Variants in CAMK1D observed in about 807,000 individuals in gnomAD.
CAMK1D encodes calcium/calmodulin dependent protein kinase ID, also known as calcium/calmodulin-dependent protein kinase type 1D.
In CAMK1D, 9 loss-of-function variants were observed where a neutral mutation model predicts 47.7. That is an observed-to-expected ratio of 0.19 (90% CI 0.11 to 0.33). The LOEUF is 0.33. Ranked by LOEUF, CAMK1D falls within the 10% of genes least tolerant of loss-of-function variation. The pLI is 1.00. For missense variants in CAMK1D, 291 were observed against 488.7 expected (o/e 0.60, Z 3.81); for synonymous variants, 184 against 184.9 (o/e 0.99, Z 0.04).
intron 3 of CAMK1D, among the ~76,000 whole-genome samples, chr10:12,689,341 G>T (rs1352571644): frequency 6.6e-6 from 1 of 152,060 alleles, no homozygotes; most frequent in Non-Finnish European, 1.5e-5. Context: ...AACCTATTTC[G>T]CCTGTTAGTA....
intron 3 of CAMK1D, among the ~76,000 whole-genome samples, chr10:12,685,067 G>A (rs533184939): frequency 6.6e-6 from 1 of 152,338 alleles, no homozygotes; most frequent in East Asian, 1.9e-4. Context: ...TTGGGAGGCC[G>A]AGGTGGGTGA....
At chr10:12,610,909 C>T (rs909332019) in intron 2 of CAMK1D, among the ~76,000 whole-genome samples, 6 of 152,130 alleles carry the variant, frequency 3.9e-5, no homozygotes, top group Non-Finnish European at 8.8e-5. Flanking sequence ...GTTTAGTTAA[C>T]AGGATTGGAG....
chr10:12,396,467 G>A (rs781122816), intron 1 of CAMK1D, among the ~76,000 whole-genome samples: 8 of 152,188 alleles, frequency 5.3e-5, no homozygotes, highest in East Asian at 1.9e-4. Flanking sequence ...GTCTTCATGA[G>A]TCTCTGGCTT....
intron 1 of CAMK1D, among the ~76,000 whole-genome samples, chr10:12,515,940 C>T (rs1203894241): frequency 1.3e-5 from 2 of 151,694 alleles, no homozygotes; most frequent in Non-Finnish European, 2.9e-5. Flanking sequence ...ATGTAATACT[C>T]TTAACAGTAT....
chr10:12,522,447 G>C (rs1835452470), intron 1 of CAMK1D, among the ~76,000 whole-genome samples: 1 of 145,330 alleles, frequency 6.9e-6, no homozygotes, highest in African/African-American at 2.5e-5. Flanking sequence ...AGCACATCTT[G>C]CACCGCCCTT....
intron 1 of CAMK1D, among the ~76,000 whole-genome samples, chr10:12,424,035 G>A: frequency 6.6e-6 from 1 of 152,044 alleles, no homozygotes; most frequent in East Asian, 1.9e-4. Flanking sequence ...CTTCATCCAC[G>A]CCGTGCGGCC....
chr10:12,561,077 C>T (rs1435278572), intron 2 of CAMK1D, among the ~76,000 whole-genome samples: 1 of 152,006 alleles, frequency 6.6e-6, no homozygotes, highest in Non-Finnish European at 1.5e-5. Flanking sequence ...CCATGCCTGG[C>T]TAATTGTTTT....
chr10:12,525,041 A>AT (rs908011293), intron 1 of CAMK1D, among the ~76,000 whole-genome samples: 4 of 151,944 alleles, frequency 2.6e-5, no homozygotes, highest in Admixed American at 6.6e-5. Flanking sequence ...ATCTTTAAGG[A>AT]TTTTTTTCCA....
chr10:12,833,008 A>C lies in CAMK1D; in HGVS notation c.*4121A>C, dbSNP rs1415524017. The C allele has an allele frequency of 6.6e-6, 1 of 152,446 alleles. No individual in the cohort carries two copies. The highest frequency in any genetic ancestry group is 1.5e-5 in the Non-Finnish European group (1 of 68,226). The allele number at this position is 152,446 out of a possible 1,614,324, so 9.4% of individuals were successfully genotyped here. On this transcript the variant is annotated 3_prime_UTR_variant, in exon 11 of 11. Transcript: ENST00000619168. Reference sequence around the variant, plus strand: ...GTAATCCCAGCTACTCGGGAGGCTGAGGCAGGAGAATCGCTTGAACCCGGG... The same window carrying C: ...GTAATCCCAGCTACTCGGGAGGCTGCGGCAGGAGAATCGCTTGAACCCGGG...
chr10:12,411,003 C>G (rs1419813862), intron 1 of CAMK1D, among the ~76,000 whole-genome samples: 3 of 152,170 alleles, frequency 2.0e-5, no homozygotes, highest in Non-Finnish European at 4.4e-5. Flanking sequence ...TTAGCCTACA[C>G]TCTTCCTGTC....
intron 1 of CAMK1D, among the ~76,000 whole-genome samples, chr10:12,450,241 T>G (rs1230609036): frequency 6.6e-6 from 1 of 152,212 alleles, no homozygotes; most frequent in South Asian, 2.1e-4. Flanking sequence ...CAATTAATAC[T>G]AATTTCTTAA....
intron 1 of CAMK1D, among the ~76,000 whole-genome samples, chr10:12,463,290 A>G (rs2815610): frequency 0.62 from 93,752 of 151,792 alleles, 29,308 homozygotes; most frequent in East Asian, 0.87. Flanking sequence ...GGCGCACACC[A>G]CCACACCTGG....
rs1833403021 is a variant in CAMK1D at position 12,830,804 on chromosome 10, T to TG, written c.*1918dup. Reference sequence around the variant, plus strand: ...AGTAACGCTGCTGGCTGTGTCCTCATGCCCTCTTCCTCTGGCTGGCCAGTC... The same window carrying TG: ...AGTAACGCTGCTGGCTGTGTCCTCATGGCCCTCTTCCTCTGGCTGGCCAGTC... On this transcript the variant is annotated 3_prime_UTR_variant, in exon 11 of 11. Transcript: ENST00000619168. 6.7e-6 allele frequency: 1 copy of TG among 148,950 alleles called. No homozygotes were observed. The highest frequency in any genetic ancestry group is 1.5e-5 in the Non-Finnish European group (1 of 67,166). The allele number at this position is 148,950 out of a possible 1,614,324, so 9.2% of individuals were successfully genotyped here. A position where few individuals can be genotyped will look rare whatever the true frequency, so the allele number is the denominator to read the frequency against.
intron 6 of CAMK1D, among the ~76,000 whole-genome samples, chr10:12,799,235 G>A (rs1838323203): frequency 6.6e-6 from 1 of 152,156 alleles, no homozygotes; most frequent in African/African-American, 2.4e-5. Context: ...CGTTCCAAGG[G>A]CTTGTTTTCT....
intron 1 of CAMK1D, among the ~76,000 whole-genome samples, chr10:12,547,785 G>A (rs1426348698): frequency 2.0e-5 from 3 of 152,036 alleles, no homozygotes; most frequent in Non-Finnish European, 4.4e-5. Flanking sequence ...AAATTTCCTG[G>A]AACAGGGGAA....
At chr10:12,524,721 A>C (rs1835563593) in intron 1 of CAMK1D, among the ~76,000 whole-genome samples, 1 of 152,004 alleles carries the variant, frequency 6.6e-6, no homozygotes. Context: ...AAAAAAAATC[A>C]TTTTAATTTT....
At chr10:12,584,397 G>A in intron 2 of CAMK1D, among the ~76,000 whole-genome samples, 1 of 152,190 alleles carries the variant, frequency 6.6e-6, no homozygotes, top group East Asian at 1.9e-4. Flanking sequence ...GGTGATAATG[G>A]TCATAGCATA....
intron 3 of CAMK1D, among the ~76,000 whole-genome samples, chr10:12,726,045 C>A (rs561772519): frequency 6.6e-6 from 1 of 152,144 alleles, no homozygotes; most frequent in East Asian, 1.9e-4. Context: ...GCATGAGCCA[C>A]GTCACCCGGC....
chr10:12,443,205 G>A (rs979873185), intron 1 of CAMK1D, among the ~76,000 whole-genome samples: 2 of 152,152 alleles, frequency 1.3e-5, no homozygotes, highest in African/African-American at 2.4e-5. Flanking sequence ...ATGTGCGGCA[G>A]ATCTTCTCGG....
Sources: allele counts gnomAD v4.1 joint callset (sites outside exome capture counted in the v4.1 genomes callset), GRCh38; gene constraint gnomAD v4.1.1; transcripts MANE v1.5; gene names NCBI Gene and HGNC (gene_info 2026-07-23, HGNC 2026-07-21).